MYH11: variants seen among roughly 807,000 people sequenced by gnomAD.
The protein encoded by MYH11 is myosin-11.
In MYH11, 80 loss-of-function variants were observed where a neutral mutation model predicts 246.6. The observed-to-expected ratio is 0.32, with a 90% CI of 0.27 to 0.39. The LOEUF is 0.39. MYH11 is among the 10% of genes least tolerant of loss of function. The pLI, the probability that MYH11 is intolerant of heterozygous loss-of-function variation, is 1.00. For missense variants in MYH11, 2,158 were observed against 2,546.8 expected (o/e 0.85, Z 3.29); for synonymous variants, 1,071 against 1,015.5 (o/e 1.05, Z -1.04).
In MYH11 at chr16:15,724,556, A is replaced by G. The variant is rs932028697; in HGVS notation, c.4116+91T>C. 3 of 1,608,352 alleles carry G rather than the reference A, an allele frequency of 1.9e-6. No individual in the cohort carries two copies. In the Admixed American group the frequency reaches 5.0e-5, roughly 27 times the overall value. On this transcript the variant is annotated intron_variant, in intron 30 of 40. Coordinates refer to ENST00000300036, the MANE Select transcript of MYH11 (RefSeq NM_002474.3). ...AAGCTGGGGGGTCAAGCACCATCGC[A>G]CCAACACTCCACCGCGATCTGCCTG... is the stretch of plus-strand genomic sequence containing the variant.
intron 25 of MYH11, among the ~76,000 whole-genome samples, chr16:15,736,536 C>T (rs553566298): frequency 1.3e-5 from 2 of 152,308 alleles, no homozygotes; most frequent in South Asian, 2.1e-4. Flanking sequence ...ACCTCGGCTT[C>T]CCAAAGTGCT....
chr16:15,805,963 T>C (rs1388886621), intron 3 of MYH11, among the ~76,000 whole-genome samples: 2 of 151,854 alleles, frequency 1.3e-5, no homozygotes, highest in Non-Finnish European at 2.9e-5. Flanking sequence ...TGGATGAACC[T>C]TGACAACATT....
rs2041921713 is a variant in MYH11, at chr16:15,763,811, T to C, written c.1114A>G (p.Met372Val). 4 of 1,430,128 alleles carry C rather than the reference T, an allele frequency of 2.8e-6. No individual in the cohort carries two copies. Among genetic ancestry groups the C allele is most frequent in the South Asian group, 1.1e-5 (1 of 88,620 alleles). 88.6% of individuals were successfully genotyped at this position (1,430,128 alleles called of 1,614,324 possible). A position where few individuals can be genotyped will look rare whatever the true frequency, so the allele number is the denominator to read the frequency against. Residue 372 changes from methionine to valine, a missense_variant, in exon 10 of 41, where the codon ATG (methionine) becomes GTG (valine). Coordinates refer to ENST00000300036, the MANE Select transcript of MYH11 (RefSeq NM_002474.3). ...TGGCAAGTACCTGTGTTATCTGGCATGGACGCCTGGTCTGTGTTTCTTTCC... is the reference window on the plus strand; with the variant it reads ...TGGCAAGTACCTGTGTTATCTGGCACGGACGCCTGGTCTGTGTTTCTTTCC... ...KKERNTDQAS[M>V]PDNTAAQKVC...
intron 23 of MYH11, among the ~76,000 whole-genome samples, chr16:15,738,897 T>C (rs531871243): frequency 2.0e-5 from 3 of 152,306 alleles, no homozygotes; most frequent in African/African-American, 7.2e-5. Flanking sequence ...TCCCTCATAT[T>C]GTATGGTCAG....
intron 7 of MYH11, among the ~76,000 whole-genome samples, chr16:15,778,031 A>C (rs2042263303): frequency 6.6e-6 from 1 of 152,114 alleles, no homozygotes; most frequent in African/African-American, 2.4e-5. Flanking sequence ...TCAGGCCCCC[A>C]GGTCCTATAC....
chr16:15,707,919 C>G (rs1348619553), intron 40 of MYH11, among the ~76,000 whole-genome samples: 1 of 146,594 alleles, frequency 6.8e-6, no homozygotes, highest in Non-Finnish European at 1.5e-5. Context: ...TTGCGGTGAG[C>G]CAAGATTGCG....
chr16:15,724,973 G>A lies in MYH11; in HGVS notation c.3878C>T (p.Thr1293Ile). 1.2e-6 allele frequency: 2 copies of A among 1,614,032 alleles called. No homozygotes were observed. Among genetic ancestry groups the A allele is most frequent in the Non-Finnish European group, 1.7e-6 (2 of 1,180,010 alleles). Residue 1293 changes from threonine (T) to isoleucine (I), a missense_variant, in exon 29 of 41, where the codon ACA becomes ATA. This residue lies in a region of MYH11 where 1,013 missense variants were observed against 993.5 expected (regional missense o/e 1.02). Coordinates refer to ENST00000300036, the MANE Select transcript of MYH11 (RefSeq NM_002474.3). ...HKLQNEVESV[T>I]GMLNEAEGKA... Reference sequence around the variant, plus strand: ...CCCCTCGGCCTCGTTAAGCATCCCTGTGACGCTCTCAACTTCATTCTAAGG... The same window carrying A: ...CCCCTCGGCCTCGTTAAGCATCCCTATGACGCTCTCAACTTCATTCTAAGG...
At chr16:15,721,213 G>A (rs940788694) in intron 32 of MYH11, 162 bp from the exon 33 acceptor site, 1 of 965,180 alleles carries the variant, frequency 1.0e-6, no homozygotes, top group African/African-American at 1.6e-5. Flanking sequence ...TCAGACCCCA[G>A]CCTTATCCTC....
chr16:15,852,669 T>C (rs1007480329), intron 1 of MYH11, among the ~76,000 whole-genome samples: 2 of 152,062 alleles, frequency 1.3e-5, no homozygotes, highest in Non-Finnish European at 1.5e-5. Context: ...ATTTGCAATA[T>C]CTATTAATTT....
chr16:15,721,489 C>A lies in MYH11; in HGVS notation c.4511G>T (p.Arg1504Leu). ...TTCGGCTTTGAGCATTTTGTTGGTC[C>A]GCTCGAGTTCCTCTTTGGCTTCCAA... Reference protein sequence around the residue: ...EALEAKEELERTNKMLKAEME... With the variant: ...EALEAKEELELTNKMLKAEME... Residue 1504 changes from arginine to leucine, a missense_variant, in exon 32 of 41, where the codon CGG (arginine) becomes CTG (leucine). This residue lies in a region of MYH11 where 1,013 missense variants were observed against 993.5 expected (regional missense o/e 1.02). Coordinates refer to ENST00000300036, the MANE Select transcript of MYH11 (RefSeq NM_002474.3). 1 of 1,614,182 alleles carries A rather than the reference C, an allele frequency of 6.2e-7. No homozygotes were observed.
chr16:15,721,682 C>T (rs771836311), intron 31 of MYH11, 48 bp from the exon 32 acceptor site: 16 of 1,595,442 alleles, frequency 1.0e-5, no homozygotes, highest in East Asian at 8.9e-5. Context: ...CCGGGGTCAG[C>T]GTCACTGAAT....
chr16:15,799,279 T>C (rs893884972), intron 3 of MYH11, among the ~76,000 whole-genome samples: 3 of 152,152 alleles, frequency 2.0e-5, no homozygotes, highest in Non-Finnish European at 4.4e-5. Flanking sequence ...AAGAATGTGT[T>C]CCAGGCTGCA....
chr16:15,734,035 T>A (rs1438003540), intron 26 of MYH11, among the ~76,000 whole-genome samples: 4 of 152,214 alleles, frequency 2.6e-5, no homozygotes, highest in Non-Finnish European at 1.5e-5. Flanking sequence ...CAAAATACAT[T>A]TATGTGTTTA....
Position 15,735,264 on chromosome 16 carries a change from A to G in MYH11, c.3506+102T>C, listed in dbSNP as rs796155884. 4 of 1,293,934 alleles carry G rather than the reference A, an allele frequency of 3.1e-6. No individual in the cohort carries two copies. In the African/African-American group the frequency reaches 5.8e-5, roughly 19 times the overall value. The allele number at this position is 1,293,934 out of a possible 1,614,324, so 80.2% of individuals were successfully genotyped here. A position where few individuals can be genotyped will look rare whatever the true frequency, so the allele number is the denominator to read the frequency against. ...AAACCGCGGCCAGGAAGGTAAATGCACAGGGGCTGATGCACGATTTGCTTT... is the reference window on the plus strand; with the variant it reads ...AAACCGCGGCCAGGAAGGTAAATGCGCAGGGGCTGATGCACGATTTGCTTT... On this transcript the variant is annotated intron_variant, in intron 26 of 40. Coordinates refer to ENST00000300036, the MANE Select transcript of MYH11 (RefSeq NM_002474.3).
intron 3 of MYH11, among the ~76,000 whole-genome samples, chr16:15,811,693 A>T (rs1390123454): frequency 6.6e-6 from 1 of 151,952 alleles, no homozygotes; most frequent in Non-Finnish European, 1.5e-5. Context: ...AAGCAGAAGG[A>T]TACAGCCGAG....
At chr16:15,742,036 T>A (rs1596764183) in intron 20 of MYH11, 145 bp from the exon 21 acceptor site, 1 of 1,300,632 alleles carries the variant, frequency 7.7e-7, no homozygotes, top group African/African-American at 1.5e-5. Flanking sequence ...CACTGCTGAT[T>A]GTCACAGCTG....
At chr16:15,735,924 GTTC>G (rs1036910533) in intron 25 of MYH11, among the ~76,000 whole-genome samples, 5 of 151,904 alleles carry the variant, frequency 3.3e-5, no homozygotes, top group Non-Finnish European at 5.9e-5. Flanking sequence ...ATGTTGGACA[GTTC>G]TTCTTCCCTG....
At chr16:15,801,119 T>C (rs1380570480) in intron 3 of MYH11, among the ~76,000 whole-genome samples, 1 of 151,856 alleles carries the variant, frequency 6.6e-6, no homozygotes, top group Non-Finnish European at 1.5e-5. Context: ...GGCAGGAAAA[T>C]TGCTTGAACT....
chr16:15,719,512 A>C, intron 35 of MYH11, 73 bp downstream of exon 35: 1 of 1,607,524 alleles, frequency 6.2e-7, no homozygotes, highest in Non-Finnish European at 8.5e-7. Context: ...CTGGGAATGC[A>C]CAGACTGGAG....
Sources: gnomAD v4.1 joint callset for allele counts (sites outside exome capture counted in the v4.1 genomes callset) on GRCh38, gnomAD v4.1.1 for gene constraint, gnomAD v4.1.1 regional missense constraint, MANE v1.5 for transcripts, NCBI Gene and HGNC (gene_info 2026-07-23, HGNC 2026-07-21) for gene names.